The following DMTN variants were observed in gnomAD, a reference collection of about 807,000 sequenced individuals.
The protein encoded by DMTN is dematin actin binding protein.
A neutral mutation model predicts 59.4 loss-of-function variants in DMTN; 27 were observed. The observed-to-expected ratio is 0.45, with a 90% CI of 0.33 to 0.63. The LOEUF (loss-of-function observed/expected upper bound fraction) is 0.63, where lower values mean the gene tolerates loss of function less well. DMTN is among the 20% of genes least tolerant of loss of function. DMTN has a pLI of 0.02. For synonymous variants in DMTN, 221 were observed against 203.7 expected, an observed-to-expected ratio of 1.08 and a Z score of -0.72; for missense variants, 451 against 528.9, an observed-to-expected ratio of 0.85 and a Z score of 1.45.
In DMTN at chr8:22,056,968, C is replaced by G. The variant is rs1802973761; in HGVS notation, c.-340C>G. On this transcript the variant is annotated 5_prime_UTR_variant, in exon 1 of 16. Coordinates refer to ENST00000358242, the MANE Select transcript of DMTN (RefSeq NM_001387751.1). ...CCAGCTCCCACCCCGCCCACCCACC[C>G]TAAGCCGGCATTTTTCCTGTTATTT... is the stretch of plus-strand genomic sequence containing the variant. 7.0e-6 allele frequency: 1 copy of G among 142,870 alleles called. No individual in the cohort carries two copies. The highest frequency in any genetic ancestry group is 1.5e-5 in the Non-Finnish European group (1 of 65,216). The allele number at this position is 142,870 out of a possible 1,614,324, so 8.9% of individuals were successfully genotyped here.
chr8:22,062,913 C>A (rs1807703931), intron 1 of DMTN, among the ~76,000 whole-genome samples: 1 of 151,182 alleles, frequency 6.6e-6, no homozygotes. Context: ...CCCCTGCGAG[C>A]TGCCATCTAG....
At chr8:22,080,372 A>G in intron 11 of DMTN, 40 bp from the exon 12 acceptor site, 1 of 1,614,022 alleles carries the variant, frequency 6.2e-7, no homozygotes, top group Non-Finnish European at 8.5e-7. Flanking sequence ...CCAAAGGTGA[A>G]TATCCCCGAC....
chr8:22,078,248 C>T (rs1374142598), intron 10 of DMTN, among the ~76,000 whole-genome samples: 1 of 151,874 alleles, frequency 6.6e-6, no homozygotes, highest in Non-Finnish European at 1.5e-5. Context: ...GCCTGTAATC[C>T]CAGCTACTCA....
At chr8:22,061,333 C>T (rs893558021) in intron 1 of DMTN, among the ~76,000 whole-genome samples, 1 of 151,968 alleles carries the variant, frequency 6.6e-6, no homozygotes, top group African/African-American at 2.4e-5. Context: ...TGTGAACTGC[C>T]CAGCACAGTG....
upstream of DMTN, chr8:22,048,969 T>C (rs1801043129): frequency 6.8e-6 from 1 of 147,284 alleles, no homozygotes; most frequent in Admixed American, 6.7e-5. This position sits in a 1 kb window ranked among gnomAD's most constrained non-coding sequence, Gnocchi z 6.9. Context: ...GGCGGGCGCG[T>C]CCAGGCCGGG....
chr8:22,069,329 G>T, intron 5 of DMTN, 90 bp from the exon 6 acceptor site: 1 of 1,166,980 alleles, frequency 8.6e-7, no homozygotes, highest in Non-Finnish European at 1.2e-6. Context: ...GCCAGGATGG[G>T]AGGACAGAGA....
intron 1 of DMTN, among the ~76,000 whole-genome samples, chr8:22,063,832 A>C (rs532302549): frequency 5.2e-4 from 79 of 152,300 alleles, no homozygotes; most frequent in African/African-American, 1.8e-3. Flanking sequence ...CTTATATGGT[A>C]CAGGTAATTT....
At chr8:22,081,318 C>G (rs761495373) in intron 15 of DMTN, 32 bp from the exon 16 acceptor site, 17 of 1,606,036 alleles carry the variant, frequency 1.1e-5, no homozygotes, top group Non-Finnish European at 1.4e-5. Context: ...CCCTCCCCCT[C>G]CATGCTGAGC....
chr8:22,081,094 C>A lies in DMTN; in HGVS notation c.1024-19C>A. On this transcript the variant is annotated intron_variant, in intron 14 of 15. Coordinates refer to ENST00000358242, the MANE Select transcript of DMTN (RefSeq NM_001387751.1). The stretch of plus-strand genomic sequence containing the variant: ...AGGATATTCTGTGAGCCTAAGATTG[C>A]CCCTCCCCCCACCCCCAGATCTATC... The A allele has an allele frequency of 5.0e-6, 3 of 599,786 alleles. No homozygotes were observed. The highest frequency in any genetic ancestry group is 3.1e-6 in the Non-Finnish European group (1 of 323,062). 37.2% of individuals were successfully genotyped at this position (599,786 alleles called of 1,614,324 possible). A position where few individuals can be genotyped will look rare whatever the true frequency, so the allele number is the denominator to read the frequency against.
intron 9 of DMTN, 25 bp from the exon 10 acceptor site, chr8:22,073,705 T>G (rs1384693963): frequency 6.8e-7 from 1 of 1,480,230 alleles, no homozygotes; most frequent in Non-Finnish European, 9.4e-7. Context: ...AAGTCTTGGC[T>G]CCATCTTCCT....
In DMTN at chr8:22,069,874, C is replaced by G. The variant is rs1813890851; in HGVS notation, c.395-7C>G. 8.1e-6 allele frequency: 13 copies of G among 1,614,062 alleles called. No individual in the cohort carries two copies. The highest frequency in any genetic ancestry group is 1.1e-5 in the Non-Finnish European group (13 of 1,179,950). ...GTCCTCCTCCTCATCTGTTCTTCCT[C>G]CCACAGAGACCTCCCGCCCAGATTC... On this transcript the variant is annotated splice_polypyrimidine_tract_variant and splice_region_variant and intron_variant, in intron 6 of 15. Transcript: ENST00000358242.
At position 22,072,414 on chromosome 8, in the gene DMTN, G is replaced by A. The variant is rs553590899; in HGVS notation, c.693G>A (p.Lys231=). ...ATGACGACTCTGGAGAGGAGATGAA[G>A]GCTCTCAGGGAGCGTCAGAGAGAGG... is the stretch of plus-strand genomic sequence containing the variant. ...EEDDDSGEEM[K]ALRERQREEL... Residue 231 remains lysine, a synonymous_variant, in exon 9 of 16, where the codon AAG becomes AAA. Coordinates refer to ENST00000358242, the MANE Select transcript of DMTN (RefSeq NM_001387751.1). 1.3e-5 allele frequency: 21 copies of A among 1,589,786 alleles called. No individual in the cohort carries two copies. In the African/African-American group the frequency reaches 2.4e-4, roughly 18 times the overall value.
intron 1 of DMTN, among the ~76,000 whole-genome samples, chr8:22,061,610 C>T (rs1275245366): frequency 6.6e-6 from 1 of 152,166 alleles, no homozygotes; most frequent in East Asian, 1.9e-4. Flanking sequence ...GATTCCAGGG[C>T]CTCCCCGAGG....
In DMTN at chr8:22,069,489, G is replaced by A. The variant is rs1014338666; in HGVS notation, c.365G>A (p.Arg122Gln). Residue 122 changes from arginine (R) to glutamine (Q), a missense_variant, in exon 6 of 16, where the codon CGG (arginine) becomes CAG (glutamine). Coordinates refer to ENST00000358242, the MANE Select transcript of DMTN (RefSeq NM_001387751.1). Reference sequence around the variant, plus strand: ...GCCCCCAGAACCACTGGAACCCCCCGGACCAGCCTGCCCCATTTCCACCAC... The same window carrying A: ...GCCCCCAGAACCACTGGAACCCCCCAGACCAGCCTGCCCCATTTCCACCAC... ...ASAPRTTGTPRTSLPHFHHPE... is the reference protein window; with the variant it reads ...ASAPRTTGTPQTSLPHFHHPE... 7.5e-6 allele frequency: 12 copies of A among 1,610,612 alleles called. No homozygotes were observed. The highest frequency in any genetic ancestry group is 1.3e-5 in the African/African-American group (1 of 74,652).
chr8:22,075,762 A>G (rs779736680), intron 10 of DMTN, among the ~76,000 whole-genome samples: 12 of 151,898 alleles, frequency 7.9e-5, no homozygotes, highest in Non-Finnish European at 1.3e-4. Flanking sequence ...CAGGTGATCC[A>G]CCTGCCTTGG....
chr8:22,079,303 A>ATATATATATATATATATATAG (rs67715172), intron 10 of DMTN, among the ~76,000 whole-genome samples: 684 of 51,902 alleles, frequency 0.013, 113 homozygotes, highest in Non-Finnish European at 0.017. Context: ...TATATATATT[A>ATATATATATATATATATATAG]GCTGGGTTTG....
intron 1 of DMTN, among the ~76,000 whole-genome samples, chr8:22,063,427 A>G (rs1808113274): frequency 1.3e-5 from 2 of 152,216 alleles, no homozygotes; most frequent in South Asian, 4.1e-4. Context: ...CACTGCTTGA[A>G]TCATGTAACT....
upstream of DMTN, among the ~76,000 whole-genome samples, chr8:22,051,752 G>T (rs914620985): frequency 2.0e-5 from 3 of 152,082 alleles, no homozygotes; most frequent in Admixed American, 6.6e-5. Flanking sequence ...ACCTCACTGG[G>T]ATCTATCTAA....
At chr8:22,049,524 C>T (rs1243334515), upstream of DMTN, among the ~76,000 whole-genome samples, 6 of 151,528 alleles carry the variant, frequency 4.0e-5, no homozygotes, top group East Asian at 1.2e-3. Flanking sequence ...CTTCAGTGCG[C>T]TGGCTTTTAA....
Sources: gnomAD v4.1 joint callset for allele counts (sites outside exome capture counted in the v4.1 genomes callset) on GRCh38, gnomAD v4.1.1 for gene constraint, Gnocchi (gnomAD v3.1) non-coding constraint, MANE v1.5 for transcripts, NCBI Gene and HGNC (gene_info 2026-07-23, HGNC 2026-07-21) for gene names.